Variants in CCNJL observed in about 807,000 individuals in gnomAD.
The protein encoded by CCNJL is cyclin J like.
In CCNJL, 33 loss-of-function variants were observed where a neutral mutation model predicts 33.4. The ratio of observed to expected loss-of-function variants is 0.99; its 90% confidence interval spans 0.75 to 1.32. The LOEUF (loss-of-function observed/expected upper bound fraction) is 1.32, where lower values mean the gene tolerates loss of function less well. CCNJL is among the 40% of genes most tolerant of loss of function. The pLI is 0.00. For synonymous variants in CCNJL, 227 were observed against 220.9 expected, an observed-to-expected ratio of 1.03 and a Z score of -0.24; for missense variants, 512 against 499.7, an observed-to-expected ratio of 1.02 and a Z score of -0.23.
intron 2 of CCNJL, among the ~76,000 whole-genome samples, chr5:160,297,321 A>ACT (rs1762775946): frequency 6.6e-6 from 1 of 152,178 alleles, no homozygotes; most frequent in Admixed American, 6.5e-5. Context: ...AGCCAAGAAG[A>ACT]TGGCCCCAGA....
rs764843411 is a variant in CCNJL, at chr5:160,255,696, T to C, written c.596A>G (p.Tyr199Cys). The C allele has an allele frequency of 1.1e-5, 17 of 1,613,820 alleles. No homozygotes were observed. Among genetic ancestry groups the C allele is most frequent in the African/African-American group, 1.3e-5 (1 of 75,052 alleles). Reference protein sequence around the residue: ...LEVTLQDHIFYKFQPSVVAAA... With the variant: ...LEVTLQDHIFCKFQPSVVAAA... ...AGCGACCACAGAAGGCTGGAATTTG[T>C]AGAATATGTGATCTGAAAGAAAGCC... The change falls in exon 5 of 6, where the codon TAC becomes TGC. Residue 199 changes from tyrosine (Y) to cysteine (C), a missense_variant. Transcript: ENST00000257536.
At chr5:160,299,412 A>T (rs1023106090) in intron 2 of CCNJL, among the ~76,000 whole-genome samples, 4 of 152,072 alleles carry the variant, frequency 2.6e-5, no homozygotes, top group African/African-American at 9.7e-5. Flanking sequence ...TCGGCCTCCC[A>T]AAGTGCTGGG....
intron 3 of CCNJL, among the ~76,000 whole-genome samples, chr5:160,275,086 T>TG (rs938622787): frequency 9.1e-5 from 10 of 110,376 alleles, no homozygotes; most frequent in Non-Finnish European, 1.1e-4. Flanking sequence ...GATTTGTGTG[T>TG]TTTTTTTTTT....
intron 2 of CCNJL, among the ~76,000 whole-genome samples, chr5:160,281,874 CAA>C (rs1762227227): frequency 1.3e-5 from 2 of 152,138 alleles, no homozygotes; most frequent in South Asian, 4.2e-4. Flanking sequence ...GGGATGGTCT[CAA>C]ACTCCTGACC....
intron 1 of CCNJL, among the ~76,000 whole-genome samples, chr5:160,334,077 G>T (rs1763653509): frequency 1.3e-5 from 2 of 152,096 alleles, no homozygotes; most frequent in African/African-American, 4.8e-5. Context: ...ATCCATTTCA[G>T]GAATCGCATG....
rs533980379 is a variant in CCNJL at position 160,302,149 on chromosome 5, A to G, written c.66+9709T>C. On this transcript the variant is annotated intron_variant, in intron 2 of 5. Coordinates refer to ENST00000257536, the MANE Select transcript of CCNJL (RefSeq NM_001308173.3). ...TTGTACTGTATATAAATTATACTTC[A>G]ATTTTTAAAAAATGAATAAGCAGTC... Among the ~76,000 whole-genome samples the G allele has an allele frequency of 2.3e-3, 350 of 152,362 alleles. 3 individuals carry two copies. Among genetic ancestry groups the G allele is most frequent in the African/African-American group, 8.2e-3 (342 of 41,576 alleles).
chr5:160,261,973 G>C (rs1761356254), intron 3 of CCNJL, among the ~76,000 whole-genome samples: 1 of 152,170 alleles, frequency 6.6e-6, no homozygotes, highest in African/African-American at 2.4e-5. Flanking sequence ...GATATTTTAG[G>C]CCATTTGAAT....
chr5:160,291,321 G>T lies in CCNJL; in HGVS notation c.67-10583C>A, dbSNP rs187258368. Among the ~76,000 whole-genome samples the T allele has an allele frequency of 9.8e-4, 149 of 152,254 alleles. 1 individual carries two copies. Among genetic ancestry groups the T allele is most frequent in the African/African-American group, 3.5e-3 (144 of 41,552 alleles). On this transcript the variant is annotated intron_variant, in intron 2 of 5. Coordinates refer to ENST00000257536, the MANE Select transcript of CCNJL (RefSeq NM_001308173.3). Reference sequence around the variant, plus strand: ...GTGTTCTGTGGCACACTAGTCCCAAGATATGCTCCCTGAAAAAAAGGGTTC... The same window carrying T: ...GTGTTCTGTGGCACACTAGTCCCAATATATGCTCCCTGAAAAAAAGGGTTC...
At position 160,311,954 on chromosome 5, in the gene CCNJL, C is replaced by A. The variant is rs747465943; in HGVS notation, c.-31G>T. On this transcript the variant is annotated 5_prime_UTR_variant, in exon 2 of 6. Transcript: ENST00000257536. The stretch of plus-strand genomic sequence containing the variant: ...ACGCAGCGCCGCTATCCGAGGCTAC[C>A]CGGCTCTCAGGGCGCACCCTGCGTG... 1 of 1,611,478 alleles carries A rather than the reference C, an allele frequency of 6.2e-7. No homozygotes were observed. The highest frequency in any genetic ancestry group is 8.5e-7 in the Non-Finnish European group (1 of 1,177,804).
At chr5:160,311,063 T>G (rs1448674920) in intron 2 of CCNJL, among the ~76,000 whole-genome samples, 1 of 152,122 alleles carries the variant, frequency 6.6e-6, no homozygotes, top group Non-Finnish European at 1.5e-5. Flanking sequence ...CTTGCCAATC[T>G]CAGCCCAGGG....
upstream of CCNJL, chr5:160,312,576 G>T (rs1198007300): frequency 2.0e-5 from 3 of 151,700 alleles, no homozygotes; most frequent in Non-Finnish European, 4.4e-5. Flanking sequence ...GCCGCCGGGG[G>T]CCTCCCTCCC....
In CCNJL at chr5:160,321,066, CTT is replaced by C. The variant is rs1349366955; in HGVS notation, n.207-5563_207-5562del. On this transcript the variant is annotated intron_variant and non_coding_transcript_variant, in intron 1 of 7. Transcript: ENST00000377503. ...TCTTTCTTTCTTTCTTTCTTTCTTT[CTT>C]TCTTTCTTTCTTTCTTTCTTTCCTT... is the stretch of plus-strand genomic sequence containing the variant. Among the ~76,000 whole-genome samples, 162 of 121,292 alleles carry C rather than the reference CTT, an allele frequency of 1.3e-3. 6 individuals carry two copies. Among genetic ancestry groups the C allele is most frequent in the African/African-American group, 6.8e-3 (153 of 22,456 alleles). The allele number at this position is 121,292 out of a possible 152,430, so 79.6% of individuals were successfully genotyped here.
intron 2 of CCNJL, among the ~76,000 whole-genome samples, chr5:160,311,091 C>A (rs909393482): frequency 6.6e-5 from 10 of 152,278 alleles, no homozygotes; most frequent in African/African-American, 2.4e-4. Context: ...GCAAGACACA[C>A]AGGCCATGCC....
chr5:160,266,870 T>C (rs1353281224), intron 3 of CCNJL, among the ~76,000 whole-genome samples: 1 of 152,134 alleles, frequency 6.6e-6, no homozygotes, highest in Non-Finnish European at 1.5e-5. Context: ...CTGGAGTCGT[T>C]ACAGCTTCCT....
chr5:160,273,407 C>A (rs1761905160), intron 3 of CCNJL, among the ~76,000 whole-genome samples: 1 of 152,156 alleles, frequency 6.6e-6, no homozygotes, highest in Admixed American at 6.6e-5. Flanking sequence ...CTCTAGACAG[C>A]ACTTCAGCTC....
chr5:160,257,997 C>T (rs1761144454), intron 4 of CCNJL, among the ~76,000 whole-genome samples: 2 of 151,988 alleles, frequency 1.3e-5, no homozygotes, highest in Non-Finnish European at 2.9e-5. Context: ...TAGGCGCCCA[C>T]CACCACACCT....
In CCNJL at chr5:160,280,552, C is replaced by A; in HGVS notation, c.253G>T (p.Val85Leu). 1.2e-6 allele frequency: 2 copies of A among 1,613,046 alleles called. No individual in the cohort carries two copies. The highest frequency in any genetic ancestry group is 1.7e-6 in the Non-Finnish European group (2 of 1,179,960). ...GCAAGCAGGAGGCAGGAGACGGCCA[C>A]GGTGTAGAGCTGCTTGGAGGTGGTG... ...NVTTSKQLYT[V>L]AVSCLLLASK... The change falls in exon 3 of 6, where the codon GTG becomes TTG. Residue 85 changes from valine (V) to leucine (L), a missense_variant. Val to Leu is a conservative substitution (Grantham distance 32). Coordinates refer to ENST00000257536, the MANE Select transcript of CCNJL (RefSeq NM_001308173.3).
chr5:160,284,720 C>G (rs889219653), intron 2 of CCNJL, among the ~76,000 whole-genome samples: 4 of 152,194 alleles, frequency 2.6e-5, no homozygotes, highest in Admixed American at 2.6e-4. Context: ...GAGCTTTGCT[C>G]ATGGAAGGCT....
chr5:160,258,382 G>T, intron 4 of CCNJL: 1 of 787,896 alleles, frequency 1.3e-6, no homozygotes. Context: ...GAATGAAGAT[G>T]TGAAAGAAGC....
Sources: gnomAD v4.1 joint callset for allele counts (sites outside exome capture counted in the v4.1 genomes callset) on GRCh38, gnomAD v4.1.1 for gene constraint, MANE v1.5 for transcripts, NCBI Gene and HGNC (gene_info 2026-07-23, HGNC 2026-07-21) for gene names.